SF3B1: variants seen among roughly 807,000 people sequenced by gnomAD.
SF3B1 encodes the protein pre-mRNA processing 10.
SF3B1 carries 12 observed loss-of-function variants against 153.8 expected under a neutral mutation model. The ratio of observed to expected loss-of-function variants is 0.08; its 90% CI spans 0.05 to 0.13. The LOEUF (loss-of-function observed/expected upper bound fraction) is 0.13. SF3B1 is among the 10% of genes least tolerant of loss of function. The probability of loss-of-function intolerance (pLI) is 1.00; values close to 1 mark genes in which losing one functional copy is unlikely to be tolerated. For synonymous variants in SF3B1, 498 were observed against 525.2 expected (o/e 0.95, Z 0.71); for missense variants, 513 against 1,606.1 (o/e 0.32, Z 11.63).
At chr2:197,415,282 TCA>T in intron 6 of SF3B1, among the ~76,000 whole-genome samples, 1 of 151,830 alleles carries the variant, frequency 6.6e-6, no homozygotes, top group African/African-American at 2.4e-5. Flanking sequence ...AGACAAAGTC[TCA>T]CTCTGTTGCC....
chr2:197,395,181 C>G (rs866670495), intron 23 of SF3B1, among the ~76,000 whole-genome samples: 27 of 152,186 alleles, frequency 1.8e-4, no homozygotes, highest in Non-Finnish European at 3.2e-4. Flanking sequence ...AATGACTGCA[C>G]TATGGTGCTC....
At chr2:197,429,609 C>T (rs1348754336) in intron 1 of SF3B1, among the ~76,000 whole-genome samples, 2 of 152,154 alleles carry the variant, frequency 1.3e-5, no homozygotes, top group Admixed American at 6.6e-5. Flanking sequence ...TGTGGTGAAA[C>T]CCCATCTCTA....
intron 1 of SF3B1, among the ~76,000 whole-genome samples, chr2:197,424,261 G>C (rs1365050063): frequency 6.6e-6 from 1 of 152,194 alleles, no homozygotes; most frequent in Non-Finnish European, 1.5e-5. Flanking sequence ...CACTTTGGGA[G>C]GAGGAGGTGG....
At position 197,401,563 on chromosome 2, in the gene SF3B1, C is replaced by G; in HGVS notation, c.2371-38G>C. ...GAAATAGTAATAATAAATCAACTGA[C>G]CTGAAATGAAGAGAATACTCATTGC... On this transcript the variant is annotated intron_variant, in intron 16 of 24. Transcript: ENST00000335508. This position sits in a 1 kb window ranked among gnomAD's most constrained non-coding sequence, Gnocchi z 4.2. 1 of 1,589,446 alleles carries G rather than the reference C, an allele frequency of 6.3e-7. No individual in the cohort carries two copies. The highest frequency in any genetic ancestry group is 8.6e-7 in the Non-Finnish European group (1 of 1,164,446).
chr2:197,407,494 AC>A (rs2085009407), intron 9 of SF3B1, among the ~76,000 whole-genome samples: 1 of 151,996 alleles, frequency 6.6e-6, no homozygotes. Flanking sequence ...AATCCCAGGT[AC>A]CTGGGAAACT....
At chr2:197,416,208 G>C (rs1249287426) in intron 6 of SF3B1, among the ~76,000 whole-genome samples, 1 of 151,784 alleles carries the variant, frequency 6.6e-6, no homozygotes, top group Non-Finnish European at 1.5e-5. Context: ...CCAGTAGTGA[G>C]GGGCTTAAGT....
chr2:197,397,813 A>C lies in SF3B1; in HGVS notation c.3266+172T>G, dbSNP rs551723407. The stretch of plus-strand genomic sequence containing the variant: ...CTCCGTCTCAAAAAAAAAAAAAAAG[A>C]ATTTAACAATACATTCCAATAATCA... On this transcript the variant is annotated intron_variant, in intron 22 of 24. Transcript: ENST00000335508. 527 of 456,188 alleles carry C rather than the reference A, an allele frequency of 1.2e-3. 1 individual carries two copies. The highest frequency in any genetic ancestry group is 1.6e-3 in the Non-Finnish European group (422 of 263,192). The allele number at this position is 456,188 out of a possible 1,614,324, so 28.3% of individuals were successfully genotyped here.
At chr2:197,434,878 G>A in intron 1 of SF3B1, 94 bp downstream of exon 1, 3 of 1,401,776 alleles carry the variant, frequency 2.1e-6, no homozygotes, top group Non-Finnish European at 2.0e-6. Flanking sequence ...CAGCTCCTAC[G>A]AAAGAAACCA....
rs1317682189 is a variant in SF3B1 at position 197,414,507 on chromosome 2, G to C, written c.666+2234C>G. ...GGGAAGCAAGAAAGACTAAAACCCA[G>C]AGACTGAGAGAGAAAAGGGTATGAA... On this transcript the variant is annotated intron_variant, in intron 6 of 24. Transcript: ENST00000335508. Among the ~76,000 whole-genome samples, 5 of 152,174 alleles carry C rather than the reference G, an allele frequency of 3.3e-5. No homozygotes were observed. The East Asian group carries it at 9.6e-4, about 29-fold the overall frequency.
rs1221785624 is a variant in SF3B1, at chr2:197,421,037, T to C, written c.292A>G (p.Thr98Ala). 3 of 1,597,732 alleles carry C rather than the reference T, an allele frequency of 1.9e-6. No homozygotes were observed. Among genetic ancestry groups the C allele is most frequent in the Non-Finnish European group, 2.6e-6 (3 of 1,167,782 alleles). ...VALLNDIPQS[T>A]EQYDPFAEHR... is the part of the protein sequence containing the mutation. Reference sequence around the variant, plus strand: ...TTAAAATGAAAGATCACCTGTTCTGTTGACTGTGGTATATCATTAAGCAAT... The same window carrying C: ...TTAAAATGAAAGATCACCTGTTCTGCTGACTGTGGTATATCATTAAGCAAT... Residue 98 changes from threonine to alanine, a missense_variant, in exon 3 of 25, where the codon ACA becomes GCA. This residue lies in a region of SF3B1 where 56 missense variants were observed against 75.6 expected (regional missense o/e 0.74). Transcript: ENST00000335508.
At chr2:197,418,763 T>G (rs986026737) in intron 4 of SF3B1, 175 bp from the exon 5 acceptor site, 1 of 1,464,900 alleles carries the variant, frequency 6.8e-7, no homozygotes, top group East Asian at 2.5e-5. Context: ...TGCTGATCAA[T>G]TTAACCTGTT....
chr2:197,390,506 T>C lies in SF3B1; in HGVS notation c.*1797A>G, dbSNP rs2084798348. ...ATGAGTTTGGAGTGTTTAATTTTAC[T>C]ACATAGTGACATATATTCAGAAAGT... is the stretch of plus-strand genomic sequence containing the variant. On this transcript the variant is annotated 3_prime_UTR_variant, in exon 25 of 25. Transcript: ENST00000335508. The C allele has an allele frequency of 1.3e-5, 2 of 152,208 alleles. No homozygotes were observed. Among genetic ancestry groups the C allele is most frequent in the South Asian group, 2.1e-4 (1 of 4,838 alleles). 9.4% of individuals were successfully genotyped at this position (152,208 alleles called of 1,614,324 possible). A position where few individuals can be genotyped will look rare whatever the true frequency, so the allele number is the denominator to read the frequency against.
In SF3B1 at chr2:197,399,019, T is replaced by C. The variant is rs1364757163; in HGVS notation, c.3014-438A>G. 3 of 1,286,410 alleles carry C rather than the reference T, an allele frequency of 2.3e-6. No individual in the cohort carries two copies. The Admixed American group carries it at 6.9e-5, about 30-fold the overall frequency. 79.7% of individuals were successfully genotyped at this position (1,286,410 alleles called of 1,614,324 possible). A position where few individuals can be genotyped will look rare whatever the true frequency, so the allele number is the denominator to read the frequency against. ...TCCAGTCTCCCTGCAATGCAGGGCA[T>C]ACTTGGATGGTATTTACACCTACGA... On this transcript the variant is annotated intron_variant, in intron 20 of 24. Coordinates refer to ENST00000335508, the MANE Select transcript of SF3B1 (RefSeq NM_012433.4).
chr2:197,396,538 CTG>C (rs1217726519), intron 22 of SF3B1, among the ~76,000 whole-genome samples: 14 of 152,114 alleles, frequency 9.2e-5, no homozygotes, highest in Non-Finnish European at 1.9e-4. Context: ...AAAGTTGACT[CTG>C]AGAAGATCAG....
intron 9 of SF3B1, among the ~76,000 whole-genome samples, chr2:197,406,777 A>C (rs1240203638): frequency 6.6e-6 from 1 of 152,168 alleles, no homozygotes; most frequent in Admixed American, 6.6e-5. Context: ...AAATACTCTA[A>C]CACAAATAAC....
chr2:197,402,138 A>T lies in SF3B1; in HGVS notation c.2078-8T>A, dbSNP rs3764989. ...GCTGCTCATCCACAAGACCTACAAA[A>T]CCAAACACAGGTTTTAACTATGCCC... On this transcript the variant is annotated splice_polypyrimidine_tract_variant and splice_region_variant and intron_variant, in intron 14 of 24. Coordinates refer to ENST00000335508, the MANE Select transcript of SF3B1 (RefSeq NM_012433.4). The surrounding 1 kb of genome is among the most constrained non-coding windows in gnomAD (Gnocchi z 4.6). 14,728 of 1,593,392 alleles carry T rather than the reference A, an allele frequency of 9.2e-3. 170 individuals carry two copies. Among genetic ancestry groups the T allele is most frequent in the South Asian group, 0.039 (3,450 of 89,162 alleles).
intron 6 of SF3B1, among the ~76,000 whole-genome samples, chr2:197,410,382 C>A (rs964547166): frequency 6.6e-6 from 1 of 151,834 alleles, no homozygotes; most frequent in African/African-American, 2.4e-5. Context: ...CAAAGTGGGG[C>A]TTAGAGACAC....
In SF3B1 at chr2:197,397,965, T is replaced by C; in HGVS notation, c.3266+20A>G. On this transcript the variant is annotated intron_variant, in intron 22 of 24. Transcript: ENST00000335508. The stretch of plus-strand genomic sequence containing the variant: ...TTATTATAAAGTAATTTTTTTTTAA[T>C]GGAAGTAAATAACACTCACCCAATG... The C allele has an allele frequency of 1.3e-6, 2 of 1,576,488 alleles. No individual in the cohort carries two copies. The highest frequency in any genetic ancestry group is 1.7e-6 in the Non-Finnish European group (2 of 1,160,782).
chr2:197,404,089 ATCT>A (rs1256946609), intron 11 of SF3B1, among the ~76,000 whole-genome samples: 1 of 152,216 alleles, frequency 6.6e-6, no homozygotes, highest in Non-Finnish European at 1.5e-5. Context: ...TTCACTAATT[ATCT>A]TCAAGCTTTA....
Sources: gnomAD v4.1 joint callset for allele counts (sites outside exome capture counted in the v4.1 genomes callset) on GRCh38, gnomAD v4.1.1 for gene constraint, gnomAD v4.1.1 regional missense constraint, Gnocchi (gnomAD v3.1) non-coding constraint, MANE v1.5 for transcripts, NCBI Gene and HGNC (gene_info 2026-07-23, HGNC 2026-07-21) for gene names.